The following ITSN2 variants were observed in gnomAD, a reference collection of about 807,000 sequenced individuals.
The protein encoded by ITSN2 is intersectin 2, also known as intersectin-2.
ITSN2 carries 156 observed loss-of-function variants against 243.7 expected under a neutral mutation model. The ratio of observed to expected loss-of-function variants is 0.64; its 90% CI spans 0.56 to 0.73. The LOEUF (loss-of-function observed/expected upper bound fraction) is 0.73. Among genes scored for constraint, ITSN2 ranks in the 30% least tolerant of loss-of-function variants. The pLI is 0.00. For synonymous variants in ITSN2, 703 were observed against 699.9 expected (o/e 1.00, Z -0.07); for missense variants, 1,801 against 1,996.1 (o/e 0.90, Z 1.86).
intron 2 of ITSN2, among the ~76,000 whole-genome samples, chr2:24,325,994 T>A (rs919727529): frequency 2.6e-5 from 4 of 151,982 alleles, no homozygotes; most frequent in African/African-American, 9.7e-5. Flanking sequence ...CAAGTCCCAA[T>A]AGCAATGGGC....
In ITSN2 at chr2:24,204,718, A is replaced by G. The variant is rs1185115521; in HGVS notation, c.4763-300T>C. The G allele has an allele frequency of 1.8e-6, 1 of 550,442 alleles. No individual in the cohort carries two copies. Among genetic ancestry groups the G allele is most frequent in the Admixed American group, 2.2e-5 (1 of 45,250 alleles). The allele number at this position is 550,442 out of a possible 1,614,324, so 34.1% of individuals were successfully genotyped here. ...CTGCATGCTTCCTCGGCGCAGACAC[A>G]CTCGGGAAGGCGGGCACTGGCACTT... On this transcript the variant is annotated intron_variant, in intron 38 of 39. Coordinates refer to ENST00000355123, the MANE Select transcript of ITSN2 (RefSeq NM_006277.3). The surrounding 1 kb of genome is among the most constrained non-coding windows in gnomAD (Gnocchi z 5.1).
At chr2:24,286,553 T>C (rs568921308) in intron 15 of ITSN2, among the ~76,000 whole-genome samples, 1 of 152,286 alleles carries the variant, frequency 6.6e-6, no homozygotes, top group African/African-American at 2.4e-5. Context: ...GAGGAAATGG[T>C]TGTAAGCCTT....
chr2:24,322,562 C>T (rs1330302075), intron 2 of ITSN2, among the ~76,000 whole-genome samples: 2 of 152,118 alleles, frequency 1.3e-5, no homozygotes, highest in African/African-American at 2.4e-5. Context: ...GAACCTCAAC[C>T]TTCCAGCATA....
intron 34 of ITSN2, chr2:24,210,383 G>A (rs563643633): frequency 5.4e-5 from 16 of 296,614 alleles, no homozygotes; most frequent in South Asian, 1.6e-4. Flanking sequence ...AGACAGAGGC[G>A]GGAGGATCAC....
At chr2:24,318,338 G>T (rs1574293728) in intron 2 of ITSN2, among the ~76,000 whole-genome samples, 1 of 152,176 alleles carries the variant, frequency 6.6e-6, no homozygotes, top group South Asian at 2.1e-4. Flanking sequence ...TAGAGACGGG[G>T]TCTCACTATG....
At chr2:24,308,853 G>A in intron 7 of ITSN2, 97 bp from the exon 8 acceptor site, 1 of 803,942 alleles carries the variant, frequency 1.2e-6, no homozygotes. Flanking sequence ...ATATACCAGG[G>A]GTCCTGAACC....
chr2:24,207,554 G>A (rs1669028679), intron 37 of ITSN2, among the ~76,000 whole-genome samples: 1 of 152,028 alleles, frequency 6.6e-6, no homozygotes, highest in African/African-American at 2.4e-5. Context: ...CCGAGGGAGA[G>A]CGCTACAGAG....
At position 24,216,229 on chromosome 2, in the gene ITSN2, AG is replaced by A; in HGVS notation, c.3809del (p.Ala1270ValfsTer17). The part of the protein sequence containing the change: ...LIMSNTKLLK[A>X]LRVRKKTGGE... Reference sequence around the variant, plus strand: ...CCCCGGTCTTCTTCCGCACCCGCAAAGCCCTGCCAAGAACACACTCTCATTT... The same window carrying A: ...CCCCGGTCTTCTTCCGCACCCGCAAACCCTGCCAAGAACACACTCTCATTT... On this transcript the variant is annotated frameshift_variant and splice_region_variant, in exon 32 of 40. Coordinates refer to ENST00000355123, the MANE Select transcript of ITSN2 (RefSeq NM_006277.3). LOFTEE classifies it high-confidence loss of function. The A allele has an allele frequency of 6.3e-7, 1 of 1,595,002 alleles. No homozygotes were observed.
At chr2:24,231,795 G>A (rs1671624456) in intron 29 of ITSN2, among the ~76,000 whole-genome samples, 1 of 152,164 alleles carries the variant, frequency 6.6e-6, no homozygotes. Flanking sequence ...TCCCACAAAA[G>A]TCCTTGCCCA....
At position 24,287,628 on chromosome 2, in the gene ITSN2, A is replaced by C. The variant is rs187830156; in HGVS notation, c.1724-1277T>G. 1.9e-3 allele frequency among the ~76,000 whole-genome samples: 286 copies of C among 152,150 alleles called. 1 individual carries two copies. The highest frequency in any genetic ancestry group is 6.4e-3 in the African/African-American group (265 of 41,542). On this transcript the variant is annotated intron_variant, in intron 15 of 39. Coordinates refer to ENST00000355123, the MANE Select transcript of ITSN2 (RefSeq NM_006277.3). ...TAGAAACCTTCATACTGTTTTCCTTAACAACTATACCAATTTACATTCCTC... is the reference window on the plus strand; with the variant it reads ...TAGAAACCTTCATACTGTTTTCCTTCACAACTATACCAATTTACATTCCTC...
chr2:24,237,723 A>T (rs1410342453), intron 29 of ITSN2, among the ~76,000 whole-genome samples: 1 of 151,910 alleles, frequency 6.6e-6, no homozygotes, highest in African/African-American at 2.4e-5. Flanking sequence ...GTTCCTGCCA[A>T]TTTTCCCTCA....
At chr2:24,272,469 T>C (rs1677489029) in intron 18 of ITSN2, among the ~76,000 whole-genome samples, 1 of 149,998 alleles carries the variant, frequency 6.7e-6, no homozygotes, top group Non-Finnish European at 1.5e-5. Context: ...TCTTACTCTA[T>C]GGCCCAGGCT....
chr2:24,267,483 ACACATTTAC>A (rs1370774513), intron 20 of ITSN2, among the ~76,000 whole-genome samples: 1 of 151,988 alleles, frequency 6.6e-6, no homozygotes. Context: ...ATACACACAC[ACACATTTAC>A]CACATTTACT....
At chr2:24,329,147 C>T (rs1219748003) in intron 1 of ITSN2, among the ~76,000 whole-genome samples, 3 of 152,224 alleles carry the variant, frequency 2.0e-5, no homozygotes, top group African/African-American at 7.2e-5. Context: ...TGCTATTTTG[C>T]AAACAACCAG....
At chr2:24,233,491 T>A (rs576494025) in intron 29 of ITSN2, among the ~76,000 whole-genome samples, 1 of 152,276 alleles carries the variant, frequency 6.6e-6, no homozygotes, top group South Asian at 2.1e-4. Context: ...CTGTTCTGCT[T>A]TTGTGGTTGG....
chr2:24,235,422 C>T (rs1427368550), intron 29 of ITSN2, among the ~76,000 whole-genome samples: 1 of 152,110 alleles, frequency 6.6e-6, no homozygotes, highest in East Asian at 1.9e-4. Context: ...TGTCATTACC[C>T]ATTTGTACAA....
At chr2:24,313,759 T>C (rs1364847507) in intron 3 of ITSN2, among the ~76,000 whole-genome samples, 2 of 152,334 alleles carry the variant, frequency 1.3e-5, no homozygotes, top group East Asian at 3.9e-4. Flanking sequence ...TGAAAGATGA[T>C]TCATCTCAGT....
chr2:24,349,227 T>C (rs557878415), intron 1 of ITSN2, among the ~76,000 whole-genome samples: 1 of 152,284 alleles, frequency 6.6e-6, no homozygotes, highest in South Asian at 2.1e-4. Flanking sequence ...AAAATAGAGA[T>C]ATTGTAACAT....
chr2:24,323,663 C>T (rs1378029290), intron 2 of ITSN2, among the ~76,000 whole-genome samples: 1 of 152,094 alleles, frequency 6.6e-6, no homozygotes, highest in African/African-American at 2.4e-5. Flanking sequence ...GTTTTAGAAA[C>T]TCATCGAACC....
Sources: allele counts gnomAD v4.1 joint callset (sites outside exome capture counted in the v4.1 genomes callset), GRCh38; gene constraint gnomAD v4.1.1; non-coding constraint Gnocchi (gnomAD v3.1); transcripts MANE v1.5; gene names NCBI Gene and HGNC (gene_info 2026-07-23, HGNC 2026-07-21).